LYPD6B: variants seen among roughly 807,000 people sequenced by gnomAD.
The protein encoded by LYPD6B is LY6/PLAUR domain containing 6B, also known as ly6/PLAUR domain-containing protein 6B.
A neutral mutation model predicts 22.8 loss-of-function variants in LYPD6B; 17 were observed. The ratio of observed to expected loss-of-function variants is 0.75; its 90% confidence interval spans 0.51 to 1.12. The LOEUF (loss-of-function observed/expected upper bound fraction) is 1.12, where lower values mean the gene tolerates loss of function less well. Among genes scored for constraint, LYPD6B ranks in the 50% most tolerant of loss-of-function variants. The pLI is 0.00. For missense variants in LYPD6B, 221 were observed against 258.3 expected, an observed-to-expected ratio of 0.86 and a Z score of 0.99; for synonymous variants, 106 against 91.6, an observed-to-expected ratio of 1.16 and a Z score of -0.90.
chr2:149,161,922 C>G (rs538384602), intron 3 of LYPD6B, among the ~76,000 whole-genome samples: 20 of 152,106 alleles, frequency 1.3e-4, no homozygotes, highest in African/African-American at 4.1e-4. Context: ...CTAATAAGGC[C>G]CAAGACAACA....
intron 1 of LYPD6B, among the ~76,000 whole-genome samples, chr2:149,070,044 A>T (rs1684525593): frequency 1.3e-5 from 2 of 152,054 alleles, no homozygotes; most frequent in Admixed American, 6.6e-5. Flanking sequence ...AAAATTTGGT[A>T]AACAGGTGGC....
intron 1 of LYPD6B, among the ~76,000 whole-genome samples, chr2:149,114,930 T>C (rs1344104155): frequency 6.6e-6 from 1 of 152,124 alleles, no homozygotes; most frequent in African/African-American, 2.4e-5. Flanking sequence ...ATCCTCACTA[T>C]AGTGATTTAA....
At chr2:149,128,637 G>A (rs1385740402) in intron 1 of LYPD6B, among the ~76,000 whole-genome samples, 1 of 152,168 alleles carries the variant, frequency 6.6e-6, no homozygotes, top group African/African-American at 2.4e-5. Flanking sequence ...CCTAATGAAT[G>A]GTGGTAAGAG....
intron 1 of LYPD6B, among the ~76,000 whole-genome samples, chr2:149,124,841 T>C (rs1687599186): frequency 6.6e-6 from 1 of 152,028 alleles, no homozygotes; most frequent in Non-Finnish European, 1.5e-5. Flanking sequence ...TTTTCCCACC[T>C]CCCGCTCCCT....
At chr2:149,104,627 GATAGATACTTTGCAA>G (rs1226167715) in intron 1 of LYPD6B, among the ~76,000 whole-genome samples, 1 of 152,130 alleles carries the variant, frequency 6.6e-6, no homozygotes, top group Non-Finnish European at 1.5e-5. Flanking sequence ...TTCTCTATCA[GATAGATACTTTGCAA>G]ATCTTTTATT....
intron 1 of LYPD6B, chr2:149,077,609 A>G (rs1021556006): frequency 1.3e-5 from 2 of 152,152 alleles, no homozygotes; most frequent in Admixed American, 1.3e-4. Flanking sequence ...TTCCATCCTT[A>G]CTTTTTCATG....
chr2:149,063,702 A>G (rs999021848), intron 1 of LYPD6B, among the ~76,000 whole-genome samples: 1 of 152,244 alleles, frequency 6.6e-6, no homozygotes, highest in East Asian at 1.9e-4. Context: ...AGAACCCACT[A>G]AACATGCCAT....
chr2:149,204,898 G>A (rs1353750386), intron 3 of LYPD6B: 11 of 183,174 alleles, frequency 6.0e-5, no homozygotes, highest in Non-Finnish European at 9.0e-5. Context: ...TCAGAACCAC[G>A]GTTGATTTGA....
At chr2:149,205,433 C>G in intron 4 of LYPD6B, 29 bp downstream of exon 4, 1 of 1,609,942 alleles carries the variant, frequency 6.2e-7, no homozygotes, top group South Asian at 1.1e-5. Context: ...CATCCTAGTT[C>G]ATGGCTGTGG....
rs774489390 is a variant in LYPD6B, at chr2:149,208,304, T to C, written c.230-10T>C. On this transcript the variant is annotated splice_polypyrimidine_tract_variant and intron_variant, in intron 4 of 6. Transcript: ENST00000409642. ...TAGCTTACTGTTTCACTTTGCTTTT[T>C]TCTTTAAAGCTACACCATTTCCAAA... 24 of 1,611,274 alleles carry C rather than the reference T, an allele frequency of 1.5e-5. No individual in the cohort carries two copies. The highest frequency in any genetic ancestry group is 2.0e-5 in the Non-Finnish European group (24 of 1,177,856).
intron 1 of LYPD6B, among the ~76,000 whole-genome samples, chr2:149,092,140 A>T (rs1488813875): frequency 1.3e-5 from 2 of 152,034 alleles, no homozygotes; most frequent in Non-Finnish European, 2.9e-5. Context: ...GCGGAGAGTG[A>T]GAAAGCTGGA....
intron 1 of LYPD6B, among the ~76,000 whole-genome samples, chr2:149,058,313 A>G (rs1223099634): frequency 1.3e-5 from 2 of 152,200 alleles, no homozygotes; most frequent in Non-Finnish European, 1.5e-5. Flanking sequence ...TCCTATATTT[A>G]TGCTTTTGTA....
rs563386885 is a variant in LYPD6B, at chr2:149,211,914, T to TCTGGGTAGAAATGAGGTACTGTAGATAG, written c.329-1050_329-1023dup. ...GAGTGGTTAAAACCTTAAGGATAATTCTGGGTAGAAATGAGGTACTGTAGA... is the reference window on the plus strand; with the variant it reads ...GAGTGGTTAAAACCTTAAGGATAATTCTGGGTAGAAATGAGGTACTGTAGATAGCTGGGTAGAAATGAGGTACTGTAGA... On this transcript the variant is annotated intron_variant, in intron 5 of 6. Transcript: ENST00000409642. Among the ~76,000 whole-genome samples, 481 of 151,970 alleles carry TCTGGGTAGAAATGAGGTACTGTAGATAG rather than the reference T, an allele frequency of 3.2e-3. 2 individuals are homozygous for TCTGGGTAGAAATGAGGTACTGTAGATAG. Among genetic ancestry groups the TCTGGGTAGAAATGAGGTACTGTAGATAG allele is most frequent in the African/African-American group, 9.5e-3 (394 of 41,342 alleles).
intron 1 of LYPD6B, among the ~76,000 whole-genome samples, chr2:149,098,983 T>C (rs1387099421): frequency 6.6e-6 from 1 of 152,176 alleles, no homozygotes; most frequent in Admixed American, 6.5e-5. Flanking sequence ...TTTCCTGATG[T>C]CCAATGACCA....
At chr2:149,190,393 T>C (rs1361265522) in intron 3 of LYPD6B, among the ~76,000 whole-genome samples, 1 of 152,220 alleles carries the variant, frequency 6.6e-6, no homozygotes, top group African/African-American at 2.4e-5. Context: ...ATCATGCCAA[T>C]GTATCATTGT....
chr2:149,067,464 A>G (rs1487449251), intron 1 of LYPD6B, among the ~76,000 whole-genome samples: 1 of 152,110 alleles, frequency 6.6e-6, no homozygotes, highest in African/African-American at 2.4e-5. Flanking sequence ...AAAAGTGAAA[A>G]GTAAAAAGCA....
chr2:149,185,846 A>G (rs1692061959), intron 3 of LYPD6B, among the ~76,000 whole-genome samples: 1 of 152,154 alleles, frequency 6.6e-6, no homozygotes, highest in Non-Finnish European at 1.5e-5. Context: ...TGTTATGGTG[A>G]TCTGTGATTA....
intron 1 of LYPD6B, among the ~76,000 whole-genome samples, chr2:149,123,716 A>T (rs1488659802): frequency 6.6e-6 from 1 of 151,958 alleles, no homozygotes; most frequent in East Asian, 1.9e-4. Flanking sequence ...ACAAAAATTA[A>T]CCGGGCATGG....
At chr2:149,087,840 C>T (rs1685469696) in intron 1 of LYPD6B, among the ~76,000 whole-genome samples, 1 of 152,136 alleles carries the variant, frequency 6.6e-6, no homozygotes, top group Middle Eastern at 3.2e-3. Context: ...TAAACAGAGT[C>T]CAGGAATTTG....
Sources: gnomAD v4.1 joint callset for allele counts (sites outside exome capture counted in the v4.1 genomes callset) on GRCh38, gnomAD v4.1.1 for gene constraint, MANE v1.5 for transcripts, NCBI Gene and HGNC (gene_info 2026-07-23, HGNC 2026-07-21) for gene names.